The following GPC5 variants were observed in gnomAD, a reference collection of about 807,000 sequenced individuals.
GPC5 encodes glypican-5.
A neutral mutation model predicts 53.9 loss-of-function variants in GPC5; 47 were observed. The observed-to-expected ratio is 0.87, with a 90% CI of 0.69 to 1.11. The LOEUF (loss-of-function observed/expected upper bound fraction) is 1.11. GPC5 is among the 50% of genes most tolerant of loss of function. The probability of loss-of-function intolerance (pLI) is 0.00; values close to 1 mark genes in which losing one functional copy is unlikely to be tolerated. For synonymous variants in GPC5, 286 were observed against 263.3 expected (o/e 1.09, Z -0.84); for missense variants, 748 against 713.1 (o/e 1.05, Z -0.56).
At chr13:92,469,870 G>T (rs1361692368) in intron 7 of GPC5, among the ~76,000 whole-genome samples, 4 of 151,922 alleles carry the variant, frequency 2.6e-5, no homozygotes. Context: ...GAGACAATGA[G>T]GTACATGTGT....
At chr13:91,921,149 C>T (rs1276515044) in intron 6 of GPC5, among the ~76,000 whole-genome samples, 1 of 151,912 alleles carries the variant, frequency 6.6e-6, no homozygotes, top group Non-Finnish European at 1.5e-5. Context: ...GTTGGCCAGG[C>T]TGGTCTCCAA....
intron 3 of GPC5, among the ~76,000 whole-genome samples, chr13:91,721,109 CTTTCTTTCTTTCTT>C (rs2036459829): frequency 8.9e-6 from 1 of 112,784 alleles, no homozygotes; most frequent in Non-Finnish European, 2.0e-5. Context: ...TTCTTTCTTT[CTTTCTTTCTTTCTT>C]TCTTTCTTTC....
intron 6 of GPC5, among the ~76,000 whole-genome samples, chr13:92,089,351 G>C (rs1029483440): frequency 2.0e-5 from 3 of 152,050 alleles, no homozygotes; most frequent in Admixed American, 6.6e-5. Context: ...GGAGAATGGC[G>C]TGAACCTGGG....
intron 3 of GPC5, among the ~76,000 whole-genome samples, chr13:91,726,937 A>G (rs1406948835): frequency 1.3e-5 from 2 of 152,198 alleles, no homozygotes; most frequent in African/African-American, 4.8e-5. Flanking sequence ...TCCAAGTCGT[A>G]TGATGGCATG....
At chr13:91,910,678 C>G (rs1295006722) in intron 6 of GPC5, among the ~76,000 whole-genome samples, 1 of 152,096 alleles carries the variant, frequency 6.6e-6, no homozygotes, top group African/African-American at 2.4e-5. Context: ...CAATTAGAGT[C>G]ACTAAGGAAA....
At chr13:91,932,536 A>G (rs2093616641) in intron 6 of GPC5, among the ~76,000 whole-genome samples, 2 of 152,066 alleles carry the variant, frequency 1.3e-5, no homozygotes, top group Admixed American at 6.6e-5. Flanking sequence ...TCTTTTCCTC[A>G]GAATCTTGTT....
chr13:91,426,810 T>C (rs1439561019), intron 1 of GPC5, among the ~76,000 whole-genome samples: 1 of 152,094 alleles, frequency 6.6e-6, no homozygotes, highest in African/African-American at 2.4e-5. Flanking sequence ...AGTCCACTGA[T>C]TCAAATGTTA....
intron 7 of GPC5, among the ~76,000 whole-genome samples, chr13:92,419,554 A>G (rs973377816): frequency 2.0e-5 from 3 of 152,152 alleles, no homozygotes; most frequent in African/African-American, 7.2e-5. Flanking sequence ...AATACTGTCA[A>G]ACTCACGTTT....
chr13:91,875,715 ACTT>A (rs1235533417), intron 5 of GPC5, among the ~76,000 whole-genome samples: 1 of 152,196 alleles, frequency 6.6e-6, no homozygotes, highest in South Asian at 2.1e-4. Flanking sequence ...TTTATTTTTA[ACTT>A]CTTATTTTGA....
At chr13:92,455,657 T>G (rs1167137717) in intron 7 of GPC5, among the ~76,000 whole-genome samples, 1 of 152,200 alleles carries the variant, frequency 6.6e-6, no homozygotes, top group East Asian at 1.9e-4. Flanking sequence ...ATTCTGAGAT[T>G]CTTAAAAAAA....
intron 7 of GPC5, among the ~76,000 whole-genome samples, chr13:92,357,874 T>G (rs979181783): frequency 6.6e-6 from 1 of 150,462 alleles, no homozygotes; most frequent in African/African-American, 2.5e-5. Flanking sequence ...ACATGAGATA[T>G]GGGGGGGGAC....
chr13:92,622,532 A>G (rs1594356789), intron 7 of GPC5, among the ~76,000 whole-genome samples: 1 of 150,706 alleles, frequency 6.6e-6, no homozygotes, highest in Non-Finnish European at 1.5e-5. Context: ...CTCCTATGCT[A>G]CTCTCTAACA....
At chr13:92,166,832 A>G (rs1301244911) in intron 7 of GPC5, among the ~76,000 whole-genome samples, 2 of 152,054 alleles carry the variant, frequency 1.3e-5, no homozygotes, top group Non-Finnish European at 2.9e-5. Flanking sequence ...CATTTGTGTG[A>G]TCTTAGTGTA....
At position 91,790,260 on chromosome 13, in the gene GPC5, G is replaced by A. The variant is rs182560369; in HGVS notation, c.1280+33840G>A. On this transcript the variant is annotated intron_variant, in intron 5 of 7. Coordinates refer to ENST00000377067, the MANE Select transcript of GPC5 (RefSeq NM_004466.6). The stretch of plus-strand genomic sequence containing the variant: ...ATGTTGAAGATTTCTTTATATACCT[G>A]TTGACTATTTCTATGTCTTCTCTTG... Among the ~76,000 whole-genome samples, 6 of 152,224 alleles carry A rather than the reference G, an allele frequency of 3.9e-5. 1 individual carries two copies. The highest frequency in any genetic ancestry group is 1.4e-4 in the African/African-American group (6 of 41,532).
Position 92,688,308 on chromosome 13 carries a change from C to A in GPC5, c.1562-177974C>A, listed in dbSNP as rs200934292. Among the ~76,000 whole-genome samples the A allele has an allele frequency of 4.3e-5, 4 of 93,706 alleles. No individual in the cohort carries two copies. In the East Asian group the frequency reaches 1.6e-3, roughly 38 times the overall value. 61.5% of individuals were successfully genotyped at this position (93,706 alleles called of 152,430 possible). ...TTTAGTCTTGGGAGAGTGTATGGGT[C>A]GAGGAATGTATCCATTTCTTCTAGA... On this transcript the variant is annotated intron_variant, in intron 7 of 7. Coordinates refer to ENST00000377067, the MANE Select transcript of GPC5 (RefSeq NM_004466.6).
intron 1 of GPC5, among the ~76,000 whole-genome samples, chr13:91,416,007 G>C (rs989099572): frequency 1.3e-5 from 2 of 152,144 alleles, no homozygotes; most frequent in African/African-American, 2.4e-5. Flanking sequence ...AACTATCACA[G>C]TGTCTTGTAC....
intron 6 of GPC5, among the ~76,000 whole-genome samples, chr13:91,946,753 G>A (rs544544990): frequency 2.8e-4 from 42 of 152,014 alleles, no homozygotes; most frequent in African/African-American, 9.4e-4. Flanking sequence ...CAAATCCTGG[G>A]GTTTATAGAT....
chr13:92,456,463 C>T (rs1389920060), intron 7 of GPC5, among the ~76,000 whole-genome samples: 4 of 152,124 alleles, frequency 2.6e-5, no homozygotes, highest in Non-Finnish European at 5.9e-5. Flanking sequence ...CCTCCCTTTC[C>T]GTCATCCATC....
At chr13:92,534,703 CAAG>C (rs1347323760) in intron 7 of GPC5, among the ~76,000 whole-genome samples, 1 of 151,890 alleles carries the variant, frequency 6.6e-6, no homozygotes, top group Non-Finnish European at 1.5e-5. Context: ...AAAAAGCTTA[CAAG>C]TAGTAGAGGA....
Sources: allele counts gnomAD v4.1 joint callset (sites outside exome capture counted in the v4.1 genomes callset), GRCh38; gene constraint gnomAD v4.1.1; transcripts MANE v1.5; gene names NCBI Gene and HGNC (gene_info 2026-07-23, HGNC 2026-07-21).